The following RIMKLB variants were observed in gnomAD, a reference collection of about 807,000 sequenced individuals.
RIMKLB encodes beta-citrylglutamate synthase B.
RIMKLB carries 7 observed loss-of-function variants against 32.0 expected under a neutral mutation model. The ratio of observed to expected loss-of-function variants is 0.22; its 90% CI spans 0.12 to 0.41. The LOEUF is 0.41. RIMKLB is among the 10% of genes least tolerant of loss of function. The pLI, the probability that RIMKLB is intolerant of heterozygous loss-of-function variation, is 1.00. For synonymous variants in RIMKLB, 172 were observed against 185.1 expected (o/e 0.93, Z 0.57); for missense variants, 289 against 498.7 (o/e 0.58, Z 4.00).
upstream of RIMKLB, among the ~76,000 whole-genome samples, chr12:8,680,323 A>G (rs1942383968): frequency 6.6e-6 from 1 of 151,826 alleles, no homozygotes; most frequent in Non-Finnish European, 1.5e-5. Context: ...CGCCCGGCTA[A>G]TCTTTTTTTG....
chr12:8,753,781 T>C (rs1386526323), intron 4 of RIMKLB, 109 bp from the exon 5 acceptor site: 3 of 806,784 alleles, frequency 3.7e-6, no homozygotes. Context: ...AAAAAAAAAA[T>C]GTAGTTGGTT....
intron 1 of RIMKLB, among the ~76,000 whole-genome samples, chr12:8,713,561 T>A (rs1263903796): frequency 4.6e-5 from 7 of 152,202 alleles, no homozygotes; most frequent in African/African-American, 1.7e-4. Flanking sequence ...AGTGACGAGC[T>A]ACAGTTATTA....
At chr12:8,708,400 T>G (rs1234754532) in intron 1 of RIMKLB, among the ~76,000 whole-genome samples, 1 of 152,190 alleles carries the variant, frequency 6.6e-6, no homozygotes, top group African/African-American at 2.4e-5. Context: ...TTTCTTTTAT[T>G]CTGTGATGTA....
intron 5 of RIMKLB, among the ~76,000 whole-genome samples, chr12:8,757,693 ATTATT>A (rs1842034352): frequency 6.6e-6 from 1 of 152,102 alleles, no homozygotes; most frequent in African/African-American, 2.4e-5. Flanking sequence ...TAAACTAGTT[ATTATT>A]TTATGTTATA....
chr12:8,673,531 T>C, the RIMKLB span, among the ~76,000 whole-genome samples: 55 of 151,964 alleles, frequency 3.6e-4, 1 homozygote, highest in Admixed American at 3.3e-4. Context: ...GAATCCCAAA[T>C]AGGGTTGTTG....
chr12:8,697,846 C>T (rs1017027159), upstream of RIMKLB: 1 of 146,442 alleles, frequency 6.8e-6, no homozygotes, highest in African/African-American at 2.5e-5. Context: ...CGCCGCCCCC[C>T]GCCCGCCGCG....
chr12:8,703,814 G>T (rs749495314), intron 1 of RIMKLB, among the ~76,000 whole-genome samples: 15 of 152,196 alleles, frequency 9.9e-5, no homozygotes, highest in African/African-American at 3.6e-4. Flanking sequence ...CACTGCAGAG[G>T]GATGGTTGTG....
At chr12:8,671,623 T>G in the RIMKLB span, among the ~76,000 whole-genome samples, 11 of 151,870 alleles carry the variant, frequency 7.2e-5, no homozygotes, top group Non-Finnish European at 1.6e-4. Flanking sequence ...CTTATAAAAC[T>G]GAATTCTGGC....
At chr12:8,675,795 CT>C in the RIMKLB span, among the ~76,000 whole-genome samples, 818 of 132,824 alleles carry the variant, frequency 6.2e-3, no homozygotes, top group Middle Eastern at 7.5e-3. Flanking sequence ...TCTTGTTTTT[CT>C]TTTTTTTTTT....
intron 3 of RIMKLB, 91 bp downstream of exon 3, chr12:8,750,183 G>A: frequency 1.4e-6 from 1 of 737,898 alleles, no homozygotes; most frequent in Non-Finnish European, 2.3e-6. Flanking sequence ...ACACCTTATA[G>A]AAGTGTCTTT....
At chr12:8,746,376 A>G (rs1948088522) in intron 2 of RIMKLB, among the ~76,000 whole-genome samples, 1 of 151,600 alleles carries the variant, frequency 6.6e-6, no homozygotes, top group African/African-American at 2.4e-5. Context: ...AGGTGTGCAG[A>G]TCACCTGAGG....
intron 2 of RIMKLB, among the ~76,000 whole-genome samples, chr12:8,722,262 G>A (rs1413300349): frequency 1.3e-5 from 2 of 151,656 alleles, no homozygotes; most frequent in Non-Finnish European, 2.9e-5. Flanking sequence ...GGCTTGCAGA[G>A]TCCATGTTGT....
intron 3 of RIMKLB, among the ~76,000 whole-genome samples, chr12:8,750,791 C>T (rs1344750811): frequency 6.6e-6 from 1 of 152,172 alleles, no homozygotes; most frequent in Non-Finnish European, 1.5e-5. Context: ...GCATAGGTTA[C>T]AGGACCACAT....
intron 2 of RIMKLB, among the ~76,000 whole-genome samples, chr12:8,732,414 C>T (rs1451478945): frequency 2.6e-5 from 4 of 152,114 alleles, no homozygotes; most frequent in Non-Finnish European, 4.4e-5. Context: ...GTCACAGTCA[C>T]GCTTTCCTAT....
At chr12:8,707,370 C>T (rs557600071) in intron 1 of RIMKLB, among the ~76,000 whole-genome samples, 49 of 152,140 alleles carry the variant, frequency 3.2e-4, no homozygotes, top group Non-Finnish European at 6.3e-4. Context: ...AACATGTTTA[C>T]GTGTATGTTA....
upstream of RIMKLB, among the ~76,000 whole-genome samples, chr12:8,677,346 T>C (rs1257985543): frequency 1.3e-5 from 2 of 152,148 alleles, no homozygotes; most frequent in African/African-American, 4.8e-5. Flanking sequence ...GTTTCTCTCT[T>C]TGCCTAACTT....
chr12:8,701,631 A>T (rs1943408529), intron 1 of RIMKLB, among the ~76,000 whole-genome samples: 1 of 150,414 alleles, frequency 6.6e-6, no homozygotes. Context: ...ATGGGAAGTA[A>T]GCACAGGCCT....
intron 5 of RIMKLB, 63 bp downstream of exon 5, chr12:8,754,156 T>C: frequency 8.2e-7 from 1 of 1,216,130 alleles, no homozygotes; most frequent in South Asian, 1.2e-5. Context: ...CCAGTGAGTA[T>C]TCATATGTAT....
At chr12:8,716,431 CTTTTTTTT>C (rs11307521) in intron 2 of RIMKLB, among the ~76,000 whole-genome samples, 1 of 81,682 alleles carries the variant, frequency 1.2e-5, no homozygotes, top group Non-Finnish European at 2.4e-5. Flanking sequence ...ATTAACATGT[CTTTTTTTT>C]TTTTTTTTTT....
Sources: allele counts gnomAD v4.1 joint callset (sites outside exome capture counted in the v4.1 genomes callset), GRCh38; gene constraint gnomAD v4.1.1; transcripts MANE v1.5; gene names NCBI Gene and HGNC (gene_info 2026-07-23, HGNC 2026-07-21).